The following DAB2IP variants were observed in gnomAD, a reference collection of about 807,000 sequenced individuals.
The protein encoded by DAB2IP is disabled homolog 2-interacting protein.
A neutral mutation model predicts 107.2 loss-of-function variants in DAB2IP; 28 were observed. The ratio of observed to expected loss-of-function variants is 0.26; its 90% confidence interval spans 0.19 to 0.36. DAB2IP has a LOEUF of 0.36. Ranked by LOEUF, DAB2IP falls within the 10% of genes least tolerant of loss-of-function variation. The probability of loss-of-function intolerance (pLI) is 1.00; values close to 1 mark genes in which losing one functional copy is unlikely to be tolerated. For missense variants in DAB2IP, 1,400 were observed against 1,644.7 expected, an observed-to-expected ratio of 0.85 and a Z score of 2.57; for synonymous variants, 755 against 706.4, an observed-to-expected ratio of 1.07 and a Z score of -1.09.
upstream of DAB2IP, among the ~76,000 whole-genome samples, chr9:121,647,748 T>G (rs553670543): frequency 6.6e-6 from 1 of 152,018 alleles, no homozygotes; most frequent in African/African-American, 2.4e-5. Context: ...ATTGCAAAAA[T>G]GTATATATAC....
exon 10 of DAB2IP, chr9:121,768,594 G>A (rs1201755920): frequency 6.2e-7 from 1 of 1,614,076 alleles, no homozygotes; most frequent in South Asian, 1.1e-5. Flanking sequence ...TCTCCAGCCT[G>A]CACTCACTGC....
At chr9:121,766,439 C>T in intron 8 of DAB2IP, 55 bp from the exon 9 acceptor site, 2 of 1,534,044 alleles carry the variant, frequency 1.3e-6, no homozygotes, top group Admixed American at 1.7e-5. Flanking sequence ...TCTGTGCACT[C>T]CTGTCCTGGG....
chr9:121,631,813 TAAAAAAA>T (rs752400251), intron 1 of DAB2IP, among the ~76,000 whole-genome samples: 7 of 58,918 alleles, frequency 1.2e-4, no homozygotes, highest in African/African-American at 2.8e-4. Context: ...AGACTCCGTC[TAAAAAAA>T]AAAAAAAAAA....
At chr9:121,578,117 G>A (rs1444606993) in intron 1 of DAB2IP, among the ~76,000 whole-genome samples, 1 of 152,058 alleles carries the variant, frequency 6.6e-6, no homozygotes, top group Non-Finnish European at 1.5e-5. Flanking sequence ...GTGGCGGGTG[G>A]GGTAGGGGTG....
At chr9:121,724,098 G>T (rs1831091706) in intron 3 of DAB2IP, among the ~76,000 whole-genome samples, 1 of 152,026 alleles carries the variant, frequency 6.6e-6, no homozygotes, top group African/African-American at 2.4e-5. Context: ...GGCGCTTGAG[G>T]TGACACACCC....
intron 1 of DAB2IP, among the ~76,000 whole-genome samples, chr9:121,643,280 C>A (rs1040162495): frequency 3.3e-5 from 5 of 151,982 alleles, no homozygotes; most frequent in African/African-American, 7.2e-5. Context: ...CCCCTTCTTT[C>A]ATTTTTTGCA....
chr9:121,721,932 A>T (rs909694113), intron 3 of DAB2IP, among the ~76,000 whole-genome samples: 1 of 152,198 alleles, frequency 6.6e-6, no homozygotes, highest in Admixed American at 6.5e-5. Context: ...CCGCCCAGTC[A>T]TGGAATCCTT....
At chr9:121,709,924 T>C (rs371218579) in intron 3 of DAB2IP, among the ~76,000 whole-genome samples, 12 of 152,236 alleles carry the variant, frequency 7.9e-5, no homozygotes, top group East Asian at 7.7e-4. Flanking sequence ...TTAGCTGACA[T>C]GGCTGGGCAC....
At chr9:121,765,704 C>G (rs1292477485) in intron 8 of DAB2IP, among the ~76,000 whole-genome samples, 1 of 152,192 alleles carries the variant, frequency 6.6e-6, no homozygotes, top group Non-Finnish European at 1.5e-5. Flanking sequence ...CCTGGCCTGC[C>G]CCAGGCTGGG....
intron 1 of DAB2IP, among the ~76,000 whole-genome samples, chr9:121,646,495 C>G (rs1327962971): frequency 7.0e-6 from 1 of 143,014 alleles, no homozygotes; most frequent in Non-Finnish European, 1.5e-5. Flanking sequence ...CGCCACCCCC[C>G]CCACCCCGAC....
chr9:121,769,401 T>C (rs1834534862), intron 10 of DAB2IP, among the ~76,000 whole-genome samples: 1 of 152,160 alleles, frequency 6.6e-6, no homozygotes, highest in Non-Finnish European at 1.5e-5. Flanking sequence ...CTCTTTTCCT[T>C]CTTCAGTTTG....
intron 1 of DAB2IP, among the ~76,000 whole-genome samples, chr9:121,622,872 G>A (rs1460918503): frequency 6.6e-6 from 1 of 152,196 alleles, no homozygotes; most frequent in Non-Finnish European, 1.5e-5. Flanking sequence ...ATATGGGCAA[G>A]GGGGATGGGA....
In DAB2IP at chr9:121,768,417, C is replaced by A; in HGVS notation, c.1698-15C>A. 1 of 1,614,150 alleles carries A rather than the reference C, an allele frequency of 6.2e-7. No homozygotes were observed. The highest frequency in any genetic ancestry group is 1.1e-5 in the South Asian group (1 of 91,070). On this transcript the variant is annotated splice_polypyrimidine_tract_variant and intron_variant, in intron 9 of 15. Transcript: ENST00000408936. ...CCTGGGCCCAGTAGTGCTCACCCAACTGCCCTCTCTCCAGATTTGGCAGCA... is the reference window on the plus strand; with the variant it reads ...CCTGGGCCCAGTAGTGCTCACCCAAATGCCCTCTCTCCAGATTTGGCAGCA...
chr9:121,763,774 G>A, exon 8 of DAB2IP: 1 of 1,614,118 alleles, frequency 6.2e-7, no homozygotes, highest in Non-Finnish European at 8.5e-7. Flanking sequence ...GATGAGAACT[G>A]CGAAGTGGAT....
exon 16 of DAB2IP, chr9:121,783,253 A>C: frequency 7.7e-7 from 1 of 1,298,062 alleles, no homozygotes; most frequent in East Asian, 3.3e-5. Flanking sequence ...CCCTGTGGGG[A>C]GGACCCACAG....
exon 16 of DAB2IP, chr9:121,783,308 C>T: frequency 7.1e-7 from 1 of 1,409,768 alleles, no homozygotes; most frequent in Non-Finnish European, 9.2e-7. Context: ...CTCTAGGGCT[C>T]CCAGAAGCCA....
intron 1 of DAB2IP, among the ~76,000 whole-genome samples, chr9:121,617,292 C>T (rs1377572439): frequency 6.6e-6 from 1 of 152,134 alleles, no homozygotes; most frequent in Non-Finnish European, 1.5e-5. Context: ...CCACTGCACT[C>T]CAGCCTGAGC....
intron 1 of DAB2IP, among the ~76,000 whole-genome samples, chr9:121,617,696 A>G (rs1342097709): frequency 6.6e-6 from 1 of 152,110 alleles, no homozygotes; most frequent in Non-Finnish European, 1.5e-5. Context: ...TTTCATTCCT[A>G]TTTTACAGAT....
chr9:121,782,240 A>G lies in DAB2IP; in HGVS notation c.3403-91A>G. 3 of 1,523,166 alleles carry G rather than the reference A, an allele frequency of 2.0e-6. No homozygotes were observed. Among genetic ancestry groups the G allele is most frequent in the Non-Finnish European group, 2.7e-6 (3 of 1,131,528 alleles). 94.4% of individuals were successfully genotyped at this position (1,523,166 alleles called of 1,614,324 possible). On this transcript the variant is annotated intron_variant, in intron 15 of 15. Coordinates refer to ENST00000408936, the Ensembl canonical transcript of DAB2IP. This position sits in a 1 kb window ranked among gnomAD's most constrained non-coding sequence, Gnocchi z 6.1. Reference sequence around the variant, plus strand: ...GAGCCTGCCTGCCACCCTCATCTCCAGGCCACCCCCTTCCCCGATGCTTGT... The same window carrying G: ...GAGCCTGCCTGCCACCCTCATCTCCGGGCCACCCCCTTCCCCGATGCTTGT...
Sources: gnomAD v4.1 joint callset for allele counts (sites outside exome capture counted in the v4.1 genomes callset) on GRCh38, gnomAD v4.1.1 for gene constraint, Gnocchi (gnomAD v3.1) non-coding constraint, MANE v1.5 for transcripts, NCBI Gene and HGNC (gene_info 2026-07-23, HGNC 2026-07-21) for gene names.